C6orf15: variants seen among roughly 807,000 people sequenced by gnomAD.
C6orf15 encodes the protein chromosome 6 open reading frame 15.
Under a neutral mutation model 2.8 loss-of-function variants are expected in C6orf15, and 5 were observed. The ratio of observed to expected loss-of-function variants is 1.80; its 90% CI spans 0.94 to 3.78. The LOEUF (loss-of-function observed/expected upper bound fraction) is 3.78. Ranked by LOEUF, C6orf15 falls within the 30% of genes most tolerant of loss-of-function variation. C6orf15 has a pLI of 0.00. For missense variants in C6orf15, 363 were observed against 418.8 expected (o/e 0.87, Z 1.16); for synonymous variants, 145 against 163.2 (o/e 0.89, Z 0.85).
rs1375053331 is a variant in C6orf15, at chr6:31,112,197, G to A, written c.162C>T (p.Gly54=). 6.2e-7 allele frequency: 1 copy of A among 1,614,142 alleles called. No homozygotes were observed. The highest frequency in any genetic ancestry group is 1.7e-5 in the Admixed American group (1 of 60,022). Residue 54 remains glycine (G), a synonymous_variant, in exon 2 of 2, where the codon GGC becomes GGT. Coordinates refer to ENST00000259870, the MANE Select transcript of C6orf15 (RefSeq NM_014070.3). ...LPQLGQPSST[G]PSNSEHPQPA... ...GCTGCGGATGTTCAGAGTTAGAGGG[G>A]CCAGTGGAGGAAGGTTGTCCGAGCT...
Position 31,111,397 on chromosome 6 carries a change from C to T in C6orf15, c.962G>A (p.Arg321Lys). Residue 321 changes from arginine to lysine, a missense_variant, in exon 2 of 2, where the codon AGG becomes AAG. By Grantham distance (26) the Arg-to-Lys change is conservative (BLOSUM62 2). Transcript: ENST00000259870. ...TATCGTGCTCTAGCCCCACTGCAACCTAGGGCTTGGAGGATTAGGGAAGCC... is the reference window on the plus strand; with the variant it reads ...TATCGTGCTCTAGCCCCACTGCAACTTAGGGCTTGGAGGATTAGGGAAGCC... The part of the protein sequence containing the change: ...PAGFPNPPSP[R>K]LQWG The T allele has an allele frequency of 6.2e-7, 1 of 1,602,260 alleles. No individual in the cohort carries two copies. Among genetic ancestry groups the T allele is most frequent in the Non-Finnish European group, 8.5e-7 (1 of 1,171,886 alleles).
At chr6:31,112,327 C>T in intron 1 of C6orf15, 36 bp from the exon 2 acceptor site, 1 of 1,573,026 alleles carries the variant, frequency 6.4e-7, no homozygotes, top group East Asian at 2.2e-5. Context: ...CCAGTGGTCT[C>T]CAGTCCCCGA....
rs371558777 is a variant in C6orf15, at chr6:31,112,514, C to T, written c.42G>A (p.Leu14=). 3.0e-5 allele frequency: 47 copies of T among 1,552,670 alleles called. No individual in the cohort carries two copies. The African/African-American group carries it at 6.2e-4, about 20-fold the overall frequency. ...RVAGSCAPLG[L]LLVCLHLPGL... is the part of the protein sequence containing the mutation. ...CTGGGAGATGAAGACAGACCAGGAGCAGGCCCAGAGGAGCGCAGCTCCCTG... is the reference window on the plus strand; with the variant it reads ...CTGGGAGATGAAGACAGACCAGGAGTAGGCCCAGAGGAGCGCAGCTCCCTG... Residue 14 remains leucine (L), a synonymous_variant, in exon 1 of 2, where the codon CTG becomes CTA. Coordinates refer to ENST00000259870, the MANE Select transcript of C6orf15 (RefSeq NM_014070.3).
rs372406795 is a variant in C6orf15 at position 31,111,820 on chromosome 6, C to T, written c.539G>A (p.Arg180His). 2.0e-5 allele frequency: 33 copies of T among 1,612,734 alleles called. No individual in the cohort carries two copies. Among genetic ancestry groups the T allele is most frequent in the Middle Eastern group, 1.6e-4 (1 of 6,082 alleles). The change falls in exon 2 of 2, where the codon CGT becomes CAT. Residue 180 changes from arginine (R) to histidine (H), a missense_variant. Arg to His is a conservative substitution (Grantham distance 29). Transcript: ENST00000259870. ...TCCCCCGGCTCCCAGTGAATTAGAA[C>T]GGGGCAGTCGTCTGGACTCCGAGTC... ...HQDSESRRLP[R>H]SNSLGAGGKI...
Position 31,112,552 on chromosome 6 carries a change from G to A in C6orf15, c.4C>T (p.Gln2Ter). The A allele has an allele frequency of 3.2e-6, 5 of 1,540,228 alleles. No homozygotes were observed. The highest frequency in any genetic ancestry group is 1.4e-5 in the African/African-American group (1 of 72,756). M[Q>*]GRVAGSCAPL... Reference sequence around the variant, plus strand: ...GCGCAGCTCCCTGCCACGCGGCCCTGCATCCTGCTCAGCACCCGATCTCCC... The same window carrying A: ...GCGCAGCTCCCTGCCACGCGGCCCTACATCCTGCTCAGCACCCGATCTCCC... Residue 2 changes from glutamine (Q) to a stop codon, truncating the protein, a stop_gained, in exon 1 of 2, where the codon CAG becomes TAG. Coordinates refer to ENST00000259870, the MANE Select transcript of C6orf15 (RefSeq NM_014070.3). LOFTEE classifies it high-confidence loss of function.
chr6:31,112,365 G>A lies in C6orf15; in HGVS notation c.68-74C>T. The A allele has an allele frequency of 7.4e-6, 11 of 1,490,812 alleles. No homozygotes were observed. The South Asian group carries it at 1.3e-4, about 17-fold the overall frequency. The allele number at this position is 1,490,812 out of a possible 1,614,324, so 92.3% of individuals were successfully genotyped here. On this transcript the variant is annotated intron_variant, in intron 1 of 1. Transcript: ENST00000259870. Reference sequence around the variant, plus strand: ...CCCCAGTTCCCTTTGCTTCCCCTATGCCTATTCTTCCTTTTCCCTCAGGGA... The same window carrying A: ...CCCCAGTTCCCTTTGCTTCCCCTATACCTATTCTTCCTTTTCCCTCAGGGA...
chr6:31,111,711 C>T lies in C6orf15; in HGVS notation c.648G>A (p.Val216=). 1.2e-6 allele frequency: 2 copies of T among 1,608,092 alleles called. No homozygotes were observed. Among genetic ancestry groups the T allele is most frequent in the South Asian group, 1.1e-5 (1 of 90,772 alleles). The part of the protein sequence containing the change: ...DHPWGTLNPS[V]SWGGGGPGTG... ...TCCCAGGGCCTCCACCTCCCCAGGA[C>T]ACACTGGGATTCAGGGTACCCCAGG... is the stretch of plus-strand genomic sequence containing the variant. Residue 216 remains valine (V), a synonymous_variant, in exon 2 of 2, where the codon GTG becomes GTA. Transcript: ENST00000259870.
In C6orf15 at chr6:31,112,051, C is replaced by T; in HGVS notation, c.308G>A (p.Gly103Glu). The T allele has an allele frequency of 6.2e-7, 1 of 1,614,126 alleles. No homozygotes were observed. Residue 103 changes from glycine to glutamate, a missense_variant, in exon 2 of 2, where the codon GGG becomes GAG. By Grantham distance (98) the Gly-to-Glu change is moderately conservative. Coordinates refer to ENST00000259870, the MANE Select transcript of C6orf15 (RefSeq NM_014070.3). ...SAVQRWPPSW[G>E]LPAMDSWPPE... Reference sequence around the variant, plus strand: ...GGGCCAGGAATCCATGGCAGGCAGCCCCCACGATGGAGGCCACCTCTGCAC... The same window carrying T: ...GGGCCAGGAATCCATGGCAGGCAGCTCCCACGATGGAGGCCACCTCTGCAC...
intron 1 of C6orf15, 50 bp from the exon 2 acceptor site, chr6:31,112,341 C>T (rs1367097981): frequency 1.9e-6 from 3 of 1,548,522 alleles, no homozygotes; most frequent in East Asian, 2.2e-5. Context: ...TCCCCGAGTC[C>T]CCAGTTCCCT....
chr6:31,111,977 C>G lies in C6orf15; in HGVS notation c.382G>C (p.Gly128Arg), dbSNP rs200594594. 137 of 1,613,220 alleles carry G rather than the reference C, an allele frequency of 8.5e-5. No individual in the cohort carries two copies. The Middle Eastern group carries it at 9.9e-4, about 12-fold the overall frequency. The stretch of plus-strand genomic sequence containing the variant: ...GAGAGTTCTTCAGGCAGCGCTTCCC[C>G]CAGGCGGTCCTCAGCCGCAGCAGCC... ...MMAAAAEDRL[G>R]EALPEELSYL... The change falls in exon 2 of 2, where the codon GGG becomes CGG. Residue 128 changes from glycine (G) to arginine (R), a missense_variant. Physicochemically the swap from Gly to Arg is moderately radical, Grantham distance 125 (BLOSUM62 -2). Transcript: ENST00000259870.
rs1771784216 is a variant in C6orf15 at position 31,111,636 on chromosome 6, G to T, written c.723C>A (p.Ile241=). ...PMPHPEGIWG[I]NNQPPGTSWG... is the part of the protein sequence containing the mutation. ...AGCTGGTACCTGGGGGTTGATTATT[G>T]ATACCCCAGATTCCCTCAGGGTGTG... The change falls in exon 2 of 2, where the codon ATC becomes ATA. Residue 241 remains isoleucine, a synonymous_variant. Transcript: ENST00000259870. The T allele has an allele frequency of 6.2e-7, 1 of 1,612,830 alleles. No homozygotes were observed. Among genetic ancestry groups the T allele is most frequent in the Non-Finnish European group, 8.5e-7 (1 of 1,179,924 alleles).
In C6orf15 at chr6:31,112,056, C is replaced by T. The variant is rs181252354; in HGVS notation, c.303G>A (p.Ser101=). The change falls in exon 2 of 2, where the codon TCG becomes TCA. Residue 101 remains serine, a synonymous_variant. Transcript: ENST00000259870. ...GGSAVQRWPP[S]WGLPAMDSWP... Reference sequence around the variant, plus strand: ...AGGAATCCATGGCAGGCAGCCCCCACGATGGAGGCCACCTCTGCACTGCAG... The same window carrying T: ...AGGAATCCATGGCAGGCAGCCCCCATGATGGAGGCCACCTCTGCACTGCAG... 90 of 1,614,108 alleles carry T rather than the reference C, an allele frequency of 5.6e-5. No homozygotes were observed. The highest frequency in any genetic ancestry group is 8.9e-5 in the East Asian group (4 of 44,886).
rs1202305404 is a variant in C6orf15 at position 31,111,226 on chromosome 6, C to T, written c.*155G>A. 3 of 685,314 alleles carry T rather than the reference C, an allele frequency of 4.4e-6. No individual in the cohort carries two copies. Among genetic ancestry groups the T allele is most frequent in the African/African-American group, 1.8e-5 (1 of 55,408 alleles). 42.5% of individuals were successfully genotyped at this position (685,314 alleles called of 1,614,324 possible). ...AAAGAAACCAAGGAGAAGCAAATTC[C>T]ATAAGTGCTTTTATTTTATTGGAGA... On this transcript the variant is annotated 3_prime_UTR_variant, in exon 2 of 2. Coordinates refer to ENST00000259870, the MANE Select transcript of C6orf15 (RefSeq NM_014070.3).
In C6orf15 at chr6:31,111,381, C is replaced by T. The variant is rs146559191; in HGVS notation, c.978G>A (p.Ter326=). ...NPPSPRLQWG[*] Reference sequence around the variant, plus strand: ...ATGTTGGGTTTCCCTCTATCGTGCTCTAGCCCCACTGCAACCTAGGGCTTG... The same window carrying T: ...ATGTTGGGTTTCCCTCTATCGTGCTTTAGCCCCACTGCAACCTAGGGCTTG... The change falls in exon 2 of 2, where the codon TAG becomes TAA. Residue 326 remains the stop codon, a stop_retained_variant. Coordinates refer to ENST00000259870, the MANE Select transcript of C6orf15 (RefSeq NM_014070.3). 3.3e-5 allele frequency: 52 copies of T among 1,593,494 alleles called. No homozygotes were observed. The highest frequency in any genetic ancestry group is 4.5e-5 in the South Asian group (4 of 89,462).
rs971781758 is a variant in C6orf15 at position 31,111,421 on chromosome 6, C to T, written c.938G>A (p.Gly313Asp). 6.2e-7 allele frequency: 1 copy of T among 1,608,776 alleles called. No individual in the cohort carries two copies. Among genetic ancestry groups the T allele is most frequent in the Middle Eastern group, 1.7e-4 (1 of 6,050 alleles). ...PPGSSWNIPA[G>D]FPNPPSPRLQ... ...CCTAGGGCTTGGAGGATTAGGGAAG[C>T]CAGCTGGGATGTTCCAAGAAGAGCC... The change falls in exon 2 of 2, where the codon GGC (glycine) becomes GAC (aspartate). Residue 313 changes from glycine to aspartate, a missense_variant. Coordinates refer to ENST00000259870, the MANE Select transcript of C6orf15 (RefSeq NM_014070.3).
At position 31,112,047 on chromosome 6, in the gene C6orf15, C is replaced by G. The variant is rs1041519703; in HGVS notation, c.312G>C (p.Leu104=). 2 of 1,614,028 alleles carry G rather than the reference C, an allele frequency of 1.2e-6. No individual in the cohort carries two copies. The highest frequency in any genetic ancestry group is 2.7e-5 in the African/African-American group (2 of 74,922). The change falls in exon 2 of 2, where the codon CTG becomes CTC. Residue 104 remains leucine, a synonymous_variant. Coordinates refer to ENST00000259870, the MANE Select transcript of C6orf15 (RefSeq NM_014070.3). The part of the protein sequence containing the change: ...AVQRWPPSWG[L]PAMDSWPPED... ...CAGGGGGCCAGGAATCCATGGCAGG[C>G]AGCCCCCACGATGGAGGCCACCTCT... is the stretch of plus-strand genomic sequence containing the variant.
Position 31,111,756 on chromosome 6 carries a change from G to GGTCCC in C6orf15, c.602_603insGGGAC (p.His201GlnfsTer14). 1 of 1,612,778 alleles carries GGTCCC rather than the reference G, an allele frequency of 6.2e-7. No individual in the cohort carries two copies. Among genetic ancestry groups the GGTCCC allele is most frequent in the Non-Finnish European group, 8.5e-7 (1 of 1,179,884 alleles). On this transcript the variant is annotated frameshift_variant, in exon 2 of 2. Coordinates refer to ENST00000259870, the MANE Select transcript of C6orf15 (RefSeq NM_014070.3). LOFTEE classifies it low-confidence loss of function (END_TRUNC). ...CCCAGGGGTGATCAGGCAGAACCCT[G>GGTCCC]TGGATGAGAGACCAGGGAGGGCGTT...
rs764337145 is a variant in C6orf15, at chr6:31,111,835, G to A, written c.524C>T (p.Ser175Phe). ...TGAATTAGAACGGGGCAGTCGTCTG[G>A]ACTCCGAGTCCTGGTGGAGGAGTGA... ...KASLLHQDSE[S>F]RRLPRSNSLG... Residue 175 changes from serine to phenylalanine, a missense_variant, in exon 2 of 2, where the codon TCC (serine) becomes TTC (phenylalanine). Physicochemically the swap from Ser to Phe is radical, Grantham distance 155 (BLOSUM62 -2). Transcript: ENST00000259870. 2.2e-5 allele frequency: 36 copies of A among 1,612,710 alleles called. 1 individual carries two copies. Among genetic ancestry groups the A allele is most frequent in the African/African-American group, 2.7e-5 (2 of 74,904 alleles).
Position 31,112,092 on chromosome 6 carries a change from A to G in C6orf15, c.267T>C (p.Pro89=). The G allele has an allele frequency of 6.2e-7, 1 of 1,614,038 alleles. No individual in the cohort carries two copies. Among genetic ancestry groups the G allele is most frequent in the Non-Finnish European group, 8.5e-7 (1 of 1,179,918 alleles). ...ACCTCTGCACTGCAGAACCTCCTGC[A>G]GGTGGGAAGCCATCTGATGCAGGCA... ...LSVPASDGFP[P]AGGSAVQRWP... The change falls in exon 2 of 2, where the codon CCT becomes CCC. Residue 89 remains proline (P), a synonymous_variant. Transcript: ENST00000259870.
Sources: allele counts gnomAD v4.1 joint callset, GRCh38; gene constraint gnomAD v4.1.1; transcripts MANE v1.5; gene names NCBI Gene and HGNC (gene_info 2026-07-23, HGNC 2026-07-21).